ZNF644: variants seen among roughly 807,000 people sequenced by gnomAD.
The protein encoded by ZNF644 is zinc finger protein 644.
A neutral mutation model predicts 108.0 loss-of-function variants in ZNF644; 20 were observed. The ratio of observed to expected loss-of-function variants is 0.19; its 90% CI spans 0.13 to 0.27. The LOEUF (loss-of-function observed/expected upper bound fraction) is 0.27. Ranked by LOEUF, ZNF644 falls within the 10% of genes least tolerant of loss-of-function variation. The pLI is 1.00. For missense variants in ZNF644, 1,338 were observed against 1,548.9 expected, an observed-to-expected ratio of 0.86 and a Z score of 2.29; for synonymous variants, 542 against 539.1, an observed-to-expected ratio of 1.01 and a Z score of -0.08.
At chr1:90,942,885 C>T (rs1361851595) in intron 2 of ZNF644, among the ~76,000 whole-genome samples, 1 of 152,072 alleles carries the variant, frequency 6.6e-6, no homozygotes, top group Non-Finnish European at 1.5e-5. Flanking sequence ...CTTAGTAGTG[C>T]CATGCATTGT....
intron 1 of ZNF644, among the ~76,000 whole-genome samples, chr1:91,007,122 C>CT (rs1358524189): frequency 6.9e-6 from 1 of 144,486 alleles, no homozygotes; most frequent in Non-Finnish European, 1.5e-5. Context: ...TGATGTGGTT[C>CT]TTTTTTTTCA....
At chr1:91,016,568 C>T (rs1405541054) in intron 1 of ZNF644, among the ~76,000 whole-genome samples, 1 of 152,138 alleles carries the variant, frequency 6.6e-6, no homozygotes, top group East Asian at 1.9e-4. Flanking sequence ...TATGGGACCA[C>T]CATCGTAAAT....
At position 90,925,201 on chromosome 1, in the gene ZNF644, C is replaced by G. The variant is rs534737405; in HGVS notation, c.3689-7047G>C. Among the ~76,000 whole-genome samples the G allele has an allele frequency of 8.3e-4, 127 of 152,304 alleles. 1 individual carries two copies. Among genetic ancestry groups the G allele is most frequent in the Non-Finnish European group, 1.5e-3 (99 of 68,014 alleles). ...TCAGTCACTTGACTCTCATGCCCCCCACTGGGGGGAGGGCAATTGTTTAAA... is the reference window on the plus strand; with the variant it reads ...TCAGTCACTTGACTCTCATGCCCCCGACTGGGGGGAGGGCAATTGTTTAAA... On this transcript the variant is annotated intron_variant, in intron 4 of 5. Transcript: ENST00000337393.
At chr1:90,997,214 C>G (rs1243867737) in intron 1 of ZNF644, among the ~76,000 whole-genome samples, 2 of 151,710 alleles carry the variant, frequency 1.3e-5, no homozygotes, top group Non-Finnish European at 2.9e-5. Context: ...CTGGCTAAAC[C>G]TGAGGCTCTA....
chr1:90,958,383 T>C (rs1653981597), intron 2 of ZNF644, among the ~76,000 whole-genome samples: 1 of 152,094 alleles, frequency 6.6e-6, no homozygotes, highest in African/African-American at 2.4e-5. Flanking sequence ...CTTAGTATTG[T>C]TAAGATGGCA....
chr1:90,959,059 T>G (rs977895602), intron 2 of ZNF644, among the ~76,000 whole-genome samples: 2 of 151,854 alleles, frequency 1.3e-5, no homozygotes, highest in African/African-American at 4.8e-5. Context: ...CATAAAAAAC[T>G]CAACAACAAA....
intron 2 of ZNF644, among the ~76,000 whole-genome samples, chr1:90,965,462 T>C (rs189280948): frequency 1.3e-5 from 2 of 152,264 alleles, no homozygotes; most frequent in Admixed American, 6.5e-5. Context: ...AAAGACCCTA[T>C]ATTTCCAAGT....
chr1:90,972,765 C>T (rs1384418659), intron 2 of ZNF644: 1 of 152,162 alleles, frequency 6.6e-6, no homozygotes, highest in Non-Finnish European at 1.5e-5. Flanking sequence ...ACATACAATA[C>T]AGTATTATGC....
At chr1:90,922,281 T>C (rs1649534241) in intron 4 of ZNF644, among the ~76,000 whole-genome samples, 1 of 152,194 alleles carries the variant, frequency 6.6e-6, no homozygotes, top group South Asian at 2.1e-4. Context: ...AATTGGTTGC[T>C]GGTATCTCTA....
chr1:90,980,474 T>C (rs1298536483), intron 2 of ZNF644, among the ~76,000 whole-genome samples: 1 of 152,044 alleles, frequency 6.6e-6, no homozygotes, highest in African/African-American at 2.4e-5. Context: ...ATTCTGAAAG[T>C]GATGGGGGAC....
chr1:91,001,222 G>C (rs906823889), intron 1 of ZNF644, among the ~76,000 whole-genome samples: 6 of 151,918 alleles, frequency 3.9e-5, no homozygotes, highest in African/African-American at 1.4e-4. Context: ...GCCTGGCAGA[G>C]ACACAACAAA....
intron 2 of ZNF644, among the ~76,000 whole-genome samples, chr1:90,951,739 A>G (rs1437455883): frequency 6.6e-6 from 1 of 152,168 alleles, no homozygotes; most frequent in Admixed American, 6.5e-5. Context: ...ATATTTATTT[A>G]CTGTGGTTGT....
chr1:90,941,988 T>C (rs572471617), intron 2 of ZNF644, among the ~76,000 whole-genome samples: 1 of 152,312 alleles, frequency 6.6e-6, no homozygotes, highest in Admixed American at 6.5e-5. Context: ...GTTTTGTTCA[T>C]TCCTTATTCA....
chr1:90,994,663 G>A (rs1319353426), intron 1 of ZNF644, among the ~76,000 whole-genome samples: 1 of 152,224 alleles, frequency 6.6e-6, no homozygotes. Flanking sequence ...CAACTATGCA[G>A]TGTAGGCAGC....
chr1:90,963,355 C>T (rs902033369), intron 2 of ZNF644, among the ~76,000 whole-genome samples: 1 of 152,064 alleles, frequency 6.6e-6, no homozygotes, highest in Non-Finnish European at 1.5e-5. Context: ...AGTGAGGATA[C>T]AGAGCAACAG....
chr1:90,987,905 A>T (rs1453230433), intron 1 of ZNF644, among the ~76,000 whole-genome samples: 1 of 152,050 alleles, frequency 6.6e-6, no homozygotes, highest in Non-Finnish European at 1.5e-5. Context: ...ATAGAAGGAA[A>T]GTTTAACATA....
intron 1 of ZNF644, among the ~76,000 whole-genome samples, chr1:91,003,007 C>T (rs1428794075): frequency 6.6e-6 from 1 of 152,082 alleles, no homozygotes; most frequent in African/African-American, 2.4e-5. Flanking sequence ...GTTAGAATGG[C>T]AATCATTAAA....
intron 1 of ZNF644, among the ~76,000 whole-genome samples, chr1:90,992,315 C>T (rs1426789512): frequency 1.4e-5 from 2 of 147,640 alleles, no homozygotes; most frequent in Non-Finnish European, 3.0e-5. Flanking sequence ...TAAAAATTCA[C>T]AGTATACAAA....
chr1:90,931,427 T>C (rs1650716661), intron 4 of ZNF644, among the ~76,000 whole-genome samples: 1 of 151,058 alleles, frequency 6.6e-6, no homozygotes, highest in Admixed American at 6.6e-5. Context: ...GAATAAACTC[T>C]TGAATAAGAA....
Sources: allele counts gnomAD v4.1 joint callset (sites outside exome capture counted in the v4.1 genomes callset), GRCh38; gene constraint gnomAD v4.1.1; transcripts MANE v1.5; gene names NCBI Gene and HGNC (gene_info 2026-07-23, HGNC 2026-07-21).